The following KCNMA1 variants were observed in gnomAD, a reference collection of about 807,000 sequenced individuals.
KCNMA1 encodes potassium calcium-activated channel subfamily M alpha 1, also known as Calcium-activated potassium channel subunit alpha-1.
KCNMA1 carries 29 observed loss-of-function variants against 140.0 expected under a neutral mutation model. That is an observed-to-expected ratio of 0.21 (90% CI 0.15 to 0.28). The LOEUF (loss-of-function observed/expected upper bound fraction) is 0.28. KCNMA1 is among the 10% of genes least tolerant of loss of function. The pLI is 1.00. For synonymous variants in KCNMA1, 612 were observed against 611.9 expected (o/e 1.00, Z 0.00); for missense variants, 880 against 1,602.2 (o/e 0.55, Z 7.70).
At chr10:77,124,190 A>G (rs11002026) in intron 5 of KCNMA1, among the ~76,000 whole-genome samples, 1 of 152,278 alleles carries the variant, frequency 6.6e-6, no homozygotes, top group Non-Finnish European at 1.5e-5. Flanking sequence ...GCTTTTATTT[A>G]TGGAACTAAA....
At chr10:77,492,779 C>G (rs374695254) in intron 1 of KCNMA1, among the ~76,000 whole-genome samples, 2 of 152,190 alleles carry the variant, frequency 1.3e-5, no homozygotes, top group African/African-American at 4.8e-5. Flanking sequence ...TGGCACATGA[C>G]AGGCACTGTC....
chr10:76,951,930 A>T, intron 21 of KCNMA1: 1 of 1,080,266 alleles, frequency 9.3e-7, no homozygotes, highest in Non-Finnish European at 1.4e-6. Context: ...AGTCGTTGTC[A>T]GGGATTGCAT....
chr10:77,154,366 C>T (rs577866843), intron 5 of KCNMA1, among the ~76,000 whole-genome samples: 1 of 152,286 alleles, frequency 6.6e-6, no homozygotes, highest in African/African-American at 2.4e-5. Context: ...AAATGAATTA[C>T]AGCACAAAAC....
intron 1 of KCNMA1, among the ~76,000 whole-genome samples, chr10:77,524,160 T>A (rs1029947580): frequency 2.6e-5 from 4 of 152,336 alleles, no homozygotes; most frequent in African/African-American, 9.6e-5. Flanking sequence ...TGGAAACTTA[T>A]CCTCGATGTC....
intron 5 of KCNMA1, among the ~76,000 whole-genome samples, chr10:77,138,467 C>T (rs2098098038): frequency 6.6e-6 from 1 of 152,064 alleles, no homozygotes; most frequent in South Asian, 2.1e-4. Context: ...TATCTTTTCC[C>T]TCTCCACTGC....
At chr10:77,019,314 A>T in intron 16 of KCNMA1, 2 of 561,398 alleles carry the variant, frequency 3.6e-6, no homozygotes, top group Non-Finnish European at 6.4e-6. Flanking sequence ...CCAGGCTGGC[A>T]TGCTCCCAGT....
chr10:76,946,779 A>C (rs2064106830), intron 22 of KCNMA1, among the ~76,000 whole-genome samples: 1 of 152,202 alleles, frequency 6.6e-6, no homozygotes, highest in Admixed American at 6.5e-5. Context: ...ATTGTGATAT[A>C]AGATGATCCC....
At chr10:77,083,843 A>C (rs7918148) in intron 12 of KCNMA1, among the ~76,000 whole-genome samples, 25,538 of 139,840 alleles carry the variant, frequency 0.18, 2,026 homozygotes, top group Middle Eastern at 0.25. Context: ...TCTATGAAAA[A>C]AAACGGGGGG....
intron 2 of KCNMA1, among the ~76,000 whole-genome samples, chr10:77,268,155 C>T (rs1446244095): frequency 3.3e-5 from 5 of 152,182 alleles, no homozygotes; most frequent in African/African-American, 4.8e-5. Flanking sequence ...TCCTGACACA[C>T]TGGCTGCCAA....
chr10:77,039,727 A>G (rs1171040389), intron 14 of KCNMA1, 90 bp from the exon 15 acceptor site: 1 of 787,184 alleles, frequency 1.3e-6, no homozygotes, highest in Non-Finnish European at 2.2e-6. Context: ...CAAACAAATG[A>G]ATGCACTGGT....
At chr10:77,366,098 T>A (rs1038196882) in intron 2 of KCNMA1, among the ~76,000 whole-genome samples, 1 of 152,120 alleles carries the variant, frequency 6.6e-6, no homozygotes, top group Non-Finnish European at 1.5e-5. Flanking sequence ...TCAGGTACTA[T>A]GCATGTTCTT....
intron 14 of KCNMA1, among the ~76,000 whole-genome samples, chr10:77,053,394 T>C (rs2095438756): frequency 3.9e-5 from 6 of 152,200 alleles, no homozygotes; most frequent in African/African-American, 1.4e-4. Context: ...CAGATGCACC[T>C]AGTTCTCACC....
chr10:77,232,763 T>C (rs1305016934), intron 3 of KCNMA1, among the ~76,000 whole-genome samples: 2 of 152,352 alleles, frequency 1.3e-5, no homozygotes, highest in Non-Finnish European at 2.9e-5. Flanking sequence ...CTACCCCGTC[T>C]TCTCTCCTAA....
Position 76,920,027 on chromosome 10 carries a change from TATATATATATATATATATATATATAC to T in KCNMA1, c.2903-5004_2903-4979del, listed in dbSNP as rs1198117087. Among the ~76,000 whole-genome samples, 3 of 96,308 alleles carry T rather than the reference TATATATATATATATATATATATATAC, an allele frequency of 3.1e-5. 1 individual carries two copies. Among genetic ancestry groups the T allele is most frequent in the Non-Finnish European group, 5.6e-5 (3 of 53,408 alleles). The allele number at this position is 96,308 out of a possible 152,430, so 63.2% of individuals were successfully genotyped here. On this transcript the variant is annotated intron_variant, in intron 23 of 27. Transcript: ENST00000286628. ...GTGTGTGTGTGTGTGTGTGTATATA[TATATATATATATATATATATATATAC>T]ACACAATATTCCTTATGTGATCATA...
At chr10:77,188,806 A>C (rs1254454623) in intron 3 of KCNMA1, among the ~76,000 whole-genome samples, 1 of 152,184 alleles carries the variant, frequency 6.6e-6, no homozygotes, top group Non-Finnish European at 1.5e-5. Context: ...TTTTCAGAGC[A>C]CAAGGCAAGT....
At chr10:76,944,131 A>AC (rs1477118440) in intron 23 of KCNMA1, among the ~76,000 whole-genome samples, 3 of 152,060 alleles carry the variant, frequency 2.0e-5, no homozygotes, top group Non-Finnish European at 2.9e-5. Context: ...CCTTTCTGAG[A>AC]CCCCTAGACA....
At chr10:77,242,899 TACACACACACACAC>T (rs199668848) in intron 3 of KCNMA1, among the ~76,000 whole-genome samples, 34 of 111,666 alleles carry the variant, frequency 3.0e-4, no homozygotes, top group African/African-American at 8.9e-4. Context: ...AATTGTTTCC[TACACACACACACAC>T]ACACACACAC....
intron 9 of KCNMA1, among the ~76,000 whole-genome samples, chr10:77,105,496 A>C (rs1048417256): frequency 6.6e-6 from 1 of 152,188 alleles, no homozygotes; most frequent in Non-Finnish European, 1.5e-5. Context: ...TGACAAGTTA[A>C]TATATTGTTA....
intron 5 of KCNMA1, among the ~76,000 whole-genome samples, chr10:77,172,680 T>C (rs1256687246): frequency 8.0e-6 from 1 of 124,368 alleles, no homozygotes; most frequent in African/African-American, 3.3e-5. Flanking sequence ...ATGTTGCCAT[T>C]GAATTCTTTC....
Sources: gnomAD v4.1 joint callset for allele counts (sites outside exome capture counted in the v4.1 genomes callset) on GRCh38, gnomAD v4.1.1 for gene constraint, MANE v1.5 for transcripts, NCBI Gene and HGNC (gene_info 2026-07-23, HGNC 2026-07-21) for gene names.